Variants in TERB1 observed in about 807,000 individuals in gnomAD.
TERB1 encodes telomere repeat binding bouquet formation protein 1.
Under a neutral mutation model 92.3 loss-of-function variants are expected in TERB1, and 63 were observed. The ratio of observed to expected loss-of-function variants is 0.68; its 90% CI spans 0.56 to 0.84. The LOEUF (loss-of-function observed/expected upper bound fraction) is 0.84. TERB1 is among the 40% of genes least tolerant of loss of function. The pLI, the probability that TERB1 is intolerant of heterozygous loss-of-function variation, is 0.00. For missense variants in TERB1, 709 were observed against 843.7 expected (o/e 0.84, Z 1.98); for synonymous variants, 252 against 283.9 (o/e 0.89, Z 1.13).
At chr16:66,797,289 G>A (rs529803250) in intron 2 of TERB1, among the ~76,000 whole-genome samples, 3 of 147,260 alleles carry the variant, frequency 2.0e-5, no homozygotes, top group African/African-American at 5.0e-5. Flanking sequence ...AGGCTGGAGC[G>A]CAGTGGCTTG....
At chr16:66,766,600 CTA>C (rs1327981085) in intron 16 of TERB1, among the ~76,000 whole-genome samples, 1 of 152,076 alleles carries the variant, frequency 6.6e-6, no homozygotes, top group African/African-American at 2.4e-5. Context: ...AACTTAATGC[CTA>C]TGTTTACAGG....
At chr16:66,794,805 G>A (rs1222011264) in intron 3 of TERB1, among the ~76,000 whole-genome samples, 1 of 151,934 alleles carries the variant, frequency 6.6e-6, no homozygotes, top group African/African-American at 2.4e-5. Context: ...AGCTACTTGG[G>A]AGGCTGAAGC....
chr16:66,798,336 C>T (rs1396000871), intron 2 of TERB1, among the ~76,000 whole-genome samples: 1 of 152,036 alleles, frequency 6.6e-6, no homozygotes, highest in East Asian at 1.9e-4. Flanking sequence ...CACATCACCA[C>T]ACTGGGCTAA....
intron 16 of TERB1, among the ~76,000 whole-genome samples, chr16:66,760,022 A>C (rs1205396955): frequency 7.5e-6 from 1 of 133,726 alleles, no homozygotes; most frequent in Non-Finnish European, 1.6e-5. Flanking sequence ...AGTCCCAGCT[A>C]CTTGGGAGGC....
At chr16:66,782,405 C>A (rs569930663) in intron 9 of TERB1, among the ~76,000 whole-genome samples, 1 of 152,116 alleles carries the variant, frequency 6.6e-6, no homozygotes, top group South Asian at 2.1e-4. Context: ...CAAAAATTAG[C>A]CAGGCTTGGT....
At chr16:66,786,355 A>C in intron 6 of TERB1, 70 bp from the exon 7 acceptor site, 1 of 1,078,216 alleles carries the variant, frequency 9.3e-7, no homozygotes, top group Non-Finnish European at 1.3e-6. Context: ...AAGAACAGTT[A>C]AGTTTTATTT....
chr16:66,785,757 C>T, intron 9 of TERB1, 29 bp downstream of exon 9: 1 of 1,498,364 alleles, frequency 6.7e-7, no homozygotes, highest in Non-Finnish European at 8.9e-7. Context: ...GTTTCTTCAA[C>T]TATGACCTAG....
At chr16:66,761,451 C>A (rs796861770) in intron 16 of TERB1, among the ~76,000 whole-genome samples, 247 of 107,098 alleles carry the variant, frequency 2.3e-3, no homozygotes, top group South Asian at 3.4e-3. Flanking sequence ...GACTCTGTCT[C>A]AAAAAAAAAA....
chr16:66,793,809 G>A (rs888231505), intron 3 of TERB1, among the ~76,000 whole-genome samples: 3 of 152,090 alleles, frequency 2.0e-5, no homozygotes, highest in Non-Finnish European at 2.9e-5. Context: ...CACCACGCCC[G>A]GCCATAGTCT....
chr16:66,801,406 G>T (rs1681013617), intron 1 of TERB1, 62 bp downstream of exon 1: 1 of 152,338 alleles, frequency 6.6e-6, no homozygotes, highest in South Asian at 2.1e-4. Flanking sequence ...TGGGCTAAGG[G>T]CCTGACGGGG....
chr16:66,762,407 A>G (rs1313163283), intron 16 of TERB1, among the ~76,000 whole-genome samples: 4 of 152,018 alleles, frequency 2.6e-5, no homozygotes, highest in Non-Finnish European at 4.4e-5. Context: ...TTTTCCTGTG[A>G]CAGGGTCTCC....
At chr16:66,785,295 A>G (rs976445947) in intron 9 of TERB1, among the ~76,000 whole-genome samples, 3 of 152,236 alleles carry the variant, frequency 2.0e-5, no homozygotes, top group African/African-American at 7.2e-5. Flanking sequence ...CGCCTGCCTC[A>G]GTCTTCCAAA....
Position 66,770,115 on chromosome 16 carries a change from G to A in TERB1, c.1467C>T (p.Asp489=). Reference sequence around the variant, plus strand: ...CGCTCTTTAACGGTGTCTTCATTTGGTCATCATTTGTACATGCTTTAGACA... The same window carrying A: ...CGCTCTTTAACGGTGTCTTCATTTGATCATCATTTGTACATGCTTTAGACA... ...GVMSKACTND[D]QMKTPLKSAN... Residue 489 remains aspartate (D), a synonymous_variant, in exon 14 of 19, where the codon GAC becomes GAT. Coordinates refer to ENST00000433154, the MANE Select transcript of TERB1 (RefSeq NM_001136505.2). The A allele has an allele frequency of 1.3e-6, 2 of 1,552,114 alleles. No homozygotes were observed. The highest frequency in any genetic ancestry group is 8.7e-7 in the Non-Finnish European group (1 of 1,147,078).
intron 16 of TERB1, among the ~76,000 whole-genome samples, chr16:66,765,359 T>C (rs2018320566): frequency 6.6e-6 from 1 of 152,252 alleles, no homozygotes; most frequent in South Asian, 2.1e-4. Flanking sequence ...TAAGTATTTA[T>C]GTTCTAACAA....
chr16:66,755,149 G>A lies in TERB1; in HGVS notation c.2011C>T (p.Arg671Cys), dbSNP rs373525708. 9.1e-5 allele frequency: 140 copies of A among 1,530,574 alleles called. No homozygotes were observed. The highest frequency in any genetic ancestry group is 1.1e-4 in the Non-Finnish European group (129 of 1,129,270). 94.8% of individuals were successfully genotyped at this position (1,530,574 alleles called of 1,614,324 possible). Residue 671 changes from arginine to cysteine, a missense_variant, in exon 19 of 19, where the codon CGC (arginine) becomes TGC (cysteine). Coordinates refer to ENST00000433154, the MANE Select transcript of TERB1 (RefSeq NM_001136505.2). ...TPGGIKKRRI[R>C]KNFTEEEVNY... ...ACTTCTTCTTCAGTAAAGTTTTTGCGAATTCTTCTTTTTTCTATAATTAGA... is the reference window on the plus strand; with the variant it reads ...ACTTCTTCTTCAGTAAAGTTTTTGCAAATTCTTCTTTTTTCTATAATTAGA...
chr16:66,771,330 C>A (rs1050324493), intron 13 of TERB1, among the ~76,000 whole-genome samples: 3 of 152,142 alleles, frequency 2.0e-5, no homozygotes, highest in Non-Finnish European at 4.4e-5. Context: ...TTAAACATTG[C>A]TAGTGGGAGT....
In TERB1 at chr16:66,754,994, G is replaced by T. The variant is rs192771159; in HGVS notation, c.2166C>A (p.Pro722=). 4.4e-5 allele frequency: 69 copies of T among 1,550,914 alleles called. No individual in the cohort carries two copies. In the African/African-American group the frequency reaches 5.6e-4, roughly 13 times the overall value. The change falls in exon 19 of 19, where the codon CCC becomes CCA. Residue 722 remains proline (P), a synonymous_variant. Coordinates refer to ENST00000433154, the MANE Select transcript of TERB1 (RefSeq NM_001136505.2). The part of the protein sequence containing the change: ...AHKYHKLTKH[P]TCAAS ...CTTTCAATCAAGAAGCTGCACACGTGGGGTGTTTGGTCAGCTTGTGGTATT... is the reference window on the plus strand; with the variant it reads ...CTTTCAATCAAGAAGCTGCACACGTTGGGTGTTTGGTCAGCTTGTGGTATT...
rs891296074 is a variant in TERB1 at position 66,789,058 on chromosome 16, A to G, written c.272-761T>C. ...AAAAAAGAAAGAATGACTAAGACTT[A>G]CTATTTGATAGCATAACAAAATAAC... On this transcript the variant is annotated intron_variant, in intron 5 of 18. Coordinates refer to ENST00000433154, the MANE Select transcript of TERB1 (RefSeq NM_001136505.2). 9.3e-5 allele frequency among the ~76,000 whole-genome samples: 14 copies of G among 150,352 alleles called. 1 individual carries two copies. The highest frequency in any genetic ancestry group is 3.2e-4 in the African/African-American group (13 of 40,788).
At chr16:66,800,318 A>G (rs1959237769) in intron 2 of TERB1, 2 of 150,508 alleles carry the variant, frequency 1.3e-5, no homozygotes, top group African/African-American at 4.9e-5. Context: ...GTGAGCCAAG[A>G]CCGCGCCACT....
Sources: gnomAD v4.1 joint callset for allele counts (sites outside exome capture counted in the v4.1 genomes callset) on GRCh38, gnomAD v4.1.1 for gene constraint, MANE v1.5 for transcripts, NCBI Gene and HGNC (gene_info 2026-07-23, HGNC 2026-07-21) for gene names.